Variants in TMC2 observed in about 807,000 individuals in gnomAD.
TMC2 encodes transmembrane channel-like protein 2.
In TMC2, 102 loss-of-function variants were observed where a neutral mutation model predicts 105.9. The ratio of observed to expected loss-of-function variants is 0.96; its 90% CI spans 0.82 to 1.14. The LOEUF is 1.14. TMC2 is among the 50% of genes most tolerant of loss of function. TMC2 has a pLI of 0.00. For missense variants in TMC2, 1,093 were observed against 1,134.3 expected (o/e 0.96, Z 0.52); for synonymous variants, 402 against 422.8 (o/e 0.95, Z 0.60).
At position 2,610,613 on chromosome 20, in the gene TMC2, A is replaced by C; in HGVS notation, c.1593+15A>C. 3 of 1,473,244 alleles carry C rather than the reference A, an allele frequency of 2.0e-6. No homozygotes were observed. The highest frequency in any genetic ancestry group is 2.6e-5 in the East Asian group (1 of 38,588). The allele number at this position is 1,473,244 out of a possible 1,614,324, so 91.3% of individuals were successfully genotyped here. Reference sequence around the variant, plus strand: ...TCCACCTCAAGGTAAAAACCACAACACCCCCCACCCCACTGCAATTCCTGG... The same window carrying C: ...TCCACCTCAAGGTAAAAACCACAACCCCCCCCACCCCACTGCAATTCCTGG... On this transcript the variant is annotated intron_variant, in intron 12 of 19. Transcript: ENST00000358864.
chr20:2,600,909 C>T (rs951201678), intron 10 of TMC2, among the ~76,000 whole-genome samples: 1 of 146,156 alleles, frequency 6.8e-6, no homozygotes, highest in African/African-American at 2.5e-5. Context: ...ATCACTTGAA[C>T]TTAGGAGGCG....
chr20:2,590,089 G>T (rs1039711670), intron 7 of TMC2, among the ~76,000 whole-genome samples: 2 of 152,090 alleles, frequency 1.3e-5, no homozygotes, highest in African/African-American at 4.8e-5. Context: ...GAAAATTAGA[G>T]AACTGTAGCT....
chr20:2,608,959 A>G lies in TMC2; in HGVS notation c.1414-1460A>G, dbSNP rs926735198. On this transcript the variant is annotated intron_variant, in intron 11 of 19. Coordinates refer to ENST00000358864, the MANE Select transcript of TMC2 (RefSeq NM_080751.3). ...ACACATAGTAAGTGCTTAATAAATT[A>G]GAGATGGAGGAAAGACAAAGGAGAA... 7.9e-5 allele frequency among the ~76,000 whole-genome samples: 12 copies of G among 152,230 alleles called. 1 individual carries two copies. Among genetic ancestry groups the G allele is most frequent in the African/African-American group, 2.9e-4 (12 of 41,458 alleles).
chr20:2,539,104 T>G (rs2085871387), intron 2 of TMC2, among the ~76,000 whole-genome samples: 1 of 152,208 alleles, frequency 6.6e-6, no homozygotes, highest in African/African-American at 2.4e-5. Flanking sequence ...TTTTGCACTG[T>G]GAATTCTCTG....
chr20:2,628,223 A>T (rs751591670), intron 17 of TMC2, among the ~76,000 whole-genome samples: 1 of 151,840 alleles, frequency 6.6e-6, no homozygotes, highest in Non-Finnish European at 1.5e-5. Context: ...TAAGTTTTCC[A>T]ATCCAAGAAT....
chr20:2,559,787 T>C (rs1281636665), intron 3 of TMC2, among the ~76,000 whole-genome samples: 1 of 152,132 alleles, frequency 6.6e-6, no homozygotes, highest in Non-Finnish European at 1.5e-5. Flanking sequence ...AGACATGAAC[T>C]AAAGAGGTAA....
intron 16 of TMC2, among the ~76,000 whole-genome samples, chr20:2,620,406 A>G (rs1354458904): frequency 6.6e-6 from 1 of 152,246 alleles, no homozygotes; most frequent in Non-Finnish European, 1.5e-5. Flanking sequence ...AGGTCTGAAT[A>G]TCATTCACAC....
intron 2 of TMC2, among the ~76,000 whole-genome samples, chr20:2,557,820 C>A (rs1230968822): frequency 6.6e-6 from 1 of 152,180 alleles, no homozygotes; most frequent in African/African-American, 2.4e-5. Context: ...TGCGCCCCCA[C>A]CAAGGCAGTC....
intron 2 of TMC2, among the ~76,000 whole-genome samples, chr20:2,548,422 C>A (rs80233896): frequency 1.3e-5 from 2 of 152,068 alleles, no homozygotes; most frequent in Admixed American, 6.5e-5. Flanking sequence ...GCGGATCACC[C>A]GAGATCGGGG....
At chr20:2,637,401 A>G in intron 18 of TMC2, 73 bp from the exon 19 acceptor site, 1 of 895,240 alleles carries the variant, frequency 1.1e-6, no homozygotes, top group Non-Finnish European at 1.7e-6. Context: ...AAAAAAAAAA[A>G]TCACTCTCAA....
intron 11 of TMC2, among the ~76,000 whole-genome samples, chr20:2,610,063 C>T (rs984978011): frequency 5.3e-5 from 8 of 152,240 alleles, no homozygotes; most frequent in African/African-American, 1.9e-4. Context: ...TAGCCAGGAT[C>T]TCCTGGCTAT....
intron 5 of TMC2, among the ~76,000 whole-genome samples, chr20:2,573,804 C>T (rs1255490954): frequency 6.6e-6 from 1 of 151,994 alleles, no homozygotes; most frequent in East Asian, 1.9e-4. Context: ...TCGTGATCCG[C>T]CCGCCTCGGC....
At chr20:2,596,150 G>C (rs1019660345) in intron 9 of TMC2, among the ~76,000 whole-genome samples, 4 of 152,162 alleles carry the variant, frequency 2.6e-5, no homozygotes, top group African/African-American at 4.8e-5. Flanking sequence ...ACCCCTCATA[G>C]TATCTTATAG....
intron 16 of TMC2, chr20:2,617,675 A>C (rs1318741465): frequency 4.5e-6 from 1 of 221,744 alleles, no homozygotes; most frequent in Non-Finnish European, 9.0e-6. Context: ...TATAATGATC[A>C]AATCAGGGTA....
At chr20:2,626,422 G>A (rs2086564653) in intron 17 of TMC2, among the ~76,000 whole-genome samples, 3 of 152,242 alleles carry the variant, frequency 2.0e-5, no homozygotes, top group Admixed American at 1.3e-4. Context: ...TAGTATGGTG[G>A]CTGAGTTTCA....
chr20:2,558,611 AGAG>A lies in TMC2; in HGVS notation c.239_241del (p.Arg80_Glu81delinsLys). On this transcript the variant is annotated inframe_deletion, in exon 3 of 20. Coordinates refer to ENST00000358864, the MANE Select transcript of TMC2 (RefSeq NM_080751.3). The surrounding 1 kb of genome is among the most constrained non-coding windows in gnomAD (Gnocchi z 4.6). ...GAAGCAAACAGGGCGCAGGAGACAC[AGAG>A]AAGAGCTGGGGGAGCAGGAGCGGGG... 1.9e-6 allele frequency: 3 copies of A among 1,559,310 alleles called. No homozygotes were observed. The highest frequency in any genetic ancestry group is 2.6e-6 in the Non-Finnish European group (3 of 1,151,162).
chr20:2,552,270 C>CA (rs2122813492), intron 2 of TMC2, among the ~76,000 whole-genome samples: 1 of 152,224 alleles, frequency 6.6e-6, no homozygotes, highest in South Asian at 2.1e-4. Context: ...AACAAACAAA[C>CA]AAACACTTTA....
intron 11 of TMC2, among the ~76,000 whole-genome samples, chr20:2,609,812 G>A (rs984955533): frequency 6.6e-6 from 1 of 152,096 alleles, no homozygotes; most frequent in South Asian, 2.1e-4. Flanking sequence ...GCAATTTGCA[G>A]GGATTTACTT....
Position 2,643,510 on chromosome 20 carries a change from T to C in TMC2, c.*2159T>C, listed in dbSNP as rs1379458637. 6.6e-6 allele frequency among the ~76,000 whole-genome samples: 1 copy of C among 152,240 alleles called. No individual in the cohort carries two copies. Among genetic ancestry groups the C allele is most frequent in the Admixed American group, 6.5e-5 (1 of 15,284 alleles). On this transcript the variant is annotated 3_prime_UTR_variant, in exon 20 of 20. Transcript: ENST00000358864. ...TTTATGTGACGGAATGTATATGTCATCTAATGCTGCATAACAAATTATTCC... is the reference window on the plus strand; with the variant it reads ...TTTATGTGACGGAATGTATATGTCACCTAATGCTGCATAACAAATTATTCC...
Sources: allele counts gnomAD v4.1 joint callset (sites outside exome capture counted in the v4.1 genomes callset), GRCh38; gene constraint gnomAD v4.1.1; non-coding constraint Gnocchi (gnomAD v3.1); transcripts MANE v1.5; gene names NCBI Gene and HGNC (gene_info 2026-07-23, HGNC 2026-07-21).